PTCH2: variants seen among roughly 807,000 people sequenced by gnomAD.
PTCH2 encodes the protein protein patched homolog 2.
Under a neutral mutation model 117.9 loss-of-function variants are expected in PTCH2, and 96 were observed. That is an observed-to-expected ratio of 0.81 (90% CI 0.69 to 0.96). The LOEUF (loss-of-function observed/expected upper bound fraction) is 0.96, where lower values mean the gene tolerates loss of function less well. PTCH2 is among the 50% of genes least tolerant of loss of function. The probability of loss-of-function intolerance (pLI) is 0.00; values close to 1 mark genes in which losing one functional copy is unlikely to be tolerated. For missense variants in PTCH2, 1,379 were observed against 1,562.5 expected, an observed-to-expected ratio of 0.88 and a Z score of 1.98; for synonymous variants, 615 against 660.9, an observed-to-expected ratio of 0.93 and a Z score of 1.06.
At chr1:44,841,716 A>T in intron 2 of PTCH2, 131 bp downstream of exon 2, 1 of 917,904 alleles carries the variant, frequency 1.1e-6, no homozygotes, top group Non-Finnish European at 1.8e-6. Flanking sequence ...GCCCAGGTGT[A>T]GGACTCTGGC....
rs780428555 is a variant in PTCH2, at chr1:44,827,193, C to A, written c.2488G>T (p.Ala830Ser). 3 of 1,614,042 alleles carry A rather than the reference C, an allele frequency of 1.9e-6. No homozygotes were observed. The highest frequency in any genetic ancestry group is 1.7e-6 in the Non-Finnish European group (2 of 1,179,998). Residue 830 changes from alanine (A) to serine (S), a missense_variant, in exon 16 of 22, where the codon GCC becomes TCC. Transcript: ENST00000372192. ...TGGCTGAAATCCAGAGGCTCCTGGGCGTCTCCAGTCTGGATGAGCAGCTTG... is the reference window on the plus strand; with the variant it reads ...TGGCTGAAATCCAGAGGCTCCTGGGAGTCTCCAGTCTGGATGAGCAGCTTG... ...AYKLLIQTGD[A>S]QEPLDFSQLT... is the part of the protein sequence containing the mutation.
Position 44,828,175 on chromosome 1 carries a change from C to A in PTCH2, c.1726G>T (p.Val576Leu), listed in dbSNP as rs867905557. The A allele has an allele frequency of 7.4e-6, 12 of 1,613,594 alleles. No individual in the cohort carries two copies. The African/African-American group carries it at 1.3e-4, about 18-fold the overall frequency. The change falls in exon 14 of 22, where the codon GTG (valine) becomes TTG (leucine). Residue 576 changes from valine (V) to leucine (L), a missense_variant. Physicochemically the swap from Val to Leu is conservative, Grantham distance 32. Transcript: ENST00000372192. ...AGCTCCTGGGGCAGGATCTGAATCA[C>A]CTGAGCAGAGCAGGGACTGGAAGAG... ...CCFSSPCSAQ[V>L]IQILPQELGD...
In PTCH2 at chr1:44,837,187, T is replaced by C. The variant is rs80281514; in HGVS notation, c.265+4660A>G. On this transcript the variant is annotated intron_variant, in intron 2 of 21. Transcript: ENST00000372192. ...ATAAATCAATCTTCTTTCTTCCTTCTTCCCTTCTTCCTTTCCTTTTCTTCT... is the reference window on the plus strand; with the variant it reads ...ATAAATCAATCTTCTTTCTTCCTTCCTCCCTTCTTCCTTTCCTTTTCTTCT... Among the ~76,000 whole-genome samples, 372 of 152,296 alleles carry C rather than the reference T, an allele frequency of 2.4e-3. 5 individuals carry two copies. The highest frequency in any genetic ancestry group is 8.7e-3 in the African/African-American group (363 of 41,580).
intron 6 of PTCH2, among the ~76,000 whole-genome samples, chr1:44,830,595 A>AAAAAAAAAAAAAAAAAAAAAAAAAAC: frequency 6.7e-6 from 1 of 150,208 alleles, no homozygotes; most frequent in Non-Finnish European, 1.5e-5. Flanking sequence ...CTCAAAAAAA[A>AAAAAAAAAAAAAAAAAAAAAAAAAAC]AAAAAAAAAG....
At chr1:44,821,023 CT>C (rs773995759), downstream of PTCH2, among the ~76,000 whole-genome samples, 197 of 152,184 alleles carry the variant, frequency 1.3e-3, no homozygotes, top group Middle Eastern at 3.4e-3. Context: ...GTTGTTGTAT[CT>C]TTTGGTCAGA....
At position 44,829,661 on chromosome 1, in the gene PTCH2, CCTCA is replaced by C. The variant is rs1557646078; in HGVS notation, c.1032_1035del (p.Ser344ArgfsTer67). The C allele has an allele frequency of 1.9e-6, 3 of 1,614,202 alleles. No individual in the cohort carries two copies. Among genetic ancestry groups the C allele is most frequent in the Non-Finnish European group, 2.5e-6 (3 of 1,180,036 alleles). Reference sequence around the variant, plus strand: ...GCTTGTAGCACTGTGCTGGCCTGCTCCTCACTCCAGCCAATGTCATGTGTCTGAT... The same window carrying C: ...GCTTGTAGCACTGTGCTGGCCTGCTCCTCCAGCCAATGTCATGTGTCTGAT... On this transcript the variant is annotated frameshift_variant, in exon 8 of 22. Transcript: ENST00000372192. LOFTEE classifies it high-confidence loss of function.
rs369600860 is a variant in PTCH2 at position 44,823,154 on chromosome 1, G to A, written c.3272C>T (p.Ala1091Val). Residue 1091 changes from alanine to valine, a missense_variant, in exon 21 of 22, where the codon GCG becomes GTG. By Grantham distance (64) the Ala-to-Val change is moderately conservative. Coordinates refer to ENST00000372192, the MANE Select transcript of PTCH2 (RefSeq NM_003738.5). The surrounding 1 kb of genome is among the most constrained non-coding windows in gnomAD (Gnocchi z 5.1). ...FDFIVRYFFA[A>V]LTVLTLLGLL... Reference sequence around the variant, plus strand: ...GCCCAGGAGCGTGAGCACTGTCAGCGCCGCAAAGAAGTACCTAGGGGTAGG... The same window carrying A: ...GCCCAGGAGCGTGAGCACTGTCAGCACCGCAAAGAAGTACCTAGGGGTAGG... The A allele has an allele frequency of 3.7e-6, 6 of 1,614,064 alleles. No homozygotes were observed. In the African/African-American group the frequency reaches 4.0e-5, roughly 11 times the overall value.
At position 44,821,974 on chromosome 1, in the gene PTCH2, T is replaced by C; in HGVS notation, c.*441A>G. Reference sequence around the variant, plus strand: ...AGAATATATTTCATTCTTTAAAAAATAAAACTTTCATCATAGCTAACATGT... The same window carrying C: ...AGAATATATTTCATTCTTTAAAAAACAAAACTTTCATCATAGCTAACATGT... On this transcript the variant is annotated 3_prime_UTR_variant, in exon 22 of 22. Coordinates refer to ENST00000372192, the MANE Select transcript of PTCH2 (RefSeq NM_003738.5). The C allele has an allele frequency of 1.5e-6, 2 of 1,311,118 alleles. No homozygotes were observed. Among genetic ancestry groups the C allele is most frequent in the South Asian group, 1.3e-5 (1 of 79,674 alleles). The allele number at this position is 1,311,118 out of a possible 1,614,324, so 81.2% of individuals were successfully genotyped here.
In PTCH2 at chr1:44,831,653, G is replaced by T; in HGVS notation, c.617+53C>A. 2 of 1,480,312 alleles carry T rather than the reference G, an allele frequency of 1.4e-6. No individual in the cohort carries two copies. Among genetic ancestry groups the T allele is most frequent in the Non-Finnish European group, 1.8e-6 (2 of 1,082,350 alleles). 91.7% of individuals were successfully genotyped at this position (1,480,312 alleles called of 1,614,324 possible). On this transcript the variant is annotated intron_variant, in intron 5 of 21. Transcript: ENST00000372192. This position sits in a 1 kb window ranked among gnomAD's most constrained non-coding sequence, Gnocchi z 4.3. ...CTCATTCCCCAGACCCCTCCTTTCTGCTGGGAGAGTCCCCAGCGGGAGATG... is the reference window on the plus strand; with the variant it reads ...CTCATTCCCCAGACCCCTCCTTTCTTCTGGGAGAGTCCCCAGCGGGAGATG...
chr1:44,832,495 C>T (rs1323955755), intron 2 of PTCH2, among the ~76,000 whole-genome samples, 154 bp from the exon 3 acceptor site: 2 of 152,230 alleles, frequency 1.3e-5, no homozygotes, highest in Admixed American at 6.5e-5. Flanking sequence ...GGTCATGGCC[C>T]AGGCCGACTC....
Position 44,827,319 on chromosome 1 carries a change from A to G in PTCH2, c.2372-10T>C, listed in dbSNP as rs1653199305. ...AAGGCAGCCTGGATTCCTGGGGGAGACCAGGATAGGGTTCTATTAGCTGGT... is the reference window on the plus strand; with the variant it reads ...AAGGCAGCCTGGATTCCTGGGGGAGGCCAGGATAGGGTTCTATTAGCTGGT... On this transcript the variant is annotated splice_polypyrimidine_tract_variant and intron_variant, in intron 15 of 21. Coordinates refer to ENST00000372192, the MANE Select transcript of PTCH2 (RefSeq NM_003738.5). 6.2e-7 allele frequency: 1 copy of G among 1,613,550 alleles called. No individual in the cohort carries two copies. The highest frequency in any genetic ancestry group is 1.3e-5 in the African/African-American group (1 of 74,892).
Position 44,841,883 on chromosome 1 carries a change from T to C in PTCH2, c.229A>G (p.Ile77Val), listed in dbSNP as rs774219740. 34 of 1,614,200 alleles carry C rather than the reference T, an allele frequency of 2.1e-5. No individual in the cohort carries two copies. Among genetic ancestry groups the C allele is most frequent in the Non-Finnish European group, 2.6e-5 (31 of 1,180,032 alleles). ...AGCTGTTCCAAGTTTGTCTCAATAA[T>C]GGCCATGCGGAGACCTAATGCCAGG... is the stretch of plus-strand genomic sequence containing the variant. The part of the protein sequence containing the change: ...GALALGLRMA[I>V]IETNLEQLWV... The change falls in exon 2 of 22, where the codon ATT becomes GTT. Residue 77 changes from isoleucine (I) to valine (V), a missense_variant. Coordinates refer to ENST00000372192, the MANE Select transcript of PTCH2 (RefSeq NM_003738.5).
In PTCH2 at chr1:44,829,047, C is replaced by T. The variant is rs774556844; in HGVS notation, c.1399G>A (p.Gly467Ser). 7 of 1,603,750 alleles carry T rather than the reference C, an allele frequency of 4.4e-6. No individual in the cohort carries two copies. Among genetic ancestry groups the T allele is most frequent in the South Asian group, 1.1e-5 (1 of 89,628 alleles). ...GCCAGCAGGAATACGTCATCCACGC[C>T]GATTCCCAGAGCCAAGAAGGGCAGC... ...QVLPFLALGI[G>S]VDDVFLLAHA... is the part of the protein sequence containing the mutation. The change falls in exon 11 of 22, where the codon GGC becomes AGC. Residue 467 changes from glycine (G) to serine (S), a missense_variant. Gly to Ser is a moderately conservative substitution (Grantham distance 56). Transcript: ENST00000372192.
Position 44,842,854 on chromosome 1 carries a change from T to C in PTCH2, c.72+7A>G. On this transcript the variant is annotated splice_region_variant and intron_variant, in intron 1 of 21. Coordinates refer to ENST00000372192, the MANE Select transcript of PTCH2 (RefSeq NM_003738.5). ...CTCTTCCTTCTTCCAGCTCCCCCTC[T>C]ACTCACCTGGGGTGCTGCGGTTCGA... 1 of 1,548,972 alleles carries C rather than the reference T, an allele frequency of 6.5e-7. No individual in the cohort carries two copies. The highest frequency in any genetic ancestry group is 8.7e-7 in the Non-Finnish European group (1 of 1,144,706).
chr1:44,842,066 AG>A (rs1653970507), intron 1 of PTCH2, 27 bp from the exon 2 acceptor site: 2 of 1,574,082 alleles, frequency 1.3e-6, no homozygotes, highest in Non-Finnish European at 1.7e-6. Flanking sequence ...AGGGTCAGCC[AG>A]GCATCACTGC....
At chr1:44,840,089 A>T (rs1426525200) in intron 2 of PTCH2, among the ~76,000 whole-genome samples, 2 of 145,704 alleles carry the variant, frequency 1.4e-5, no homozygotes, top group Non-Finnish European at 3.0e-5. Flanking sequence ...GAAAGAAGAG[A>T]GTCATGCTGA....
chr1:44,833,271 C>T (rs1048859845), intron 2 of PTCH2, among the ~76,000 whole-genome samples: 3 of 152,106 alleles, frequency 2.0e-5, no homozygotes, highest in East Asian at 1.9e-4. Context: ...AGGGCCAAAT[C>T]TACCTCTGGA....
intron 2 of PTCH2, among the ~76,000 whole-genome samples, chr1:44,832,720 G>T (rs1416557432): frequency 6.6e-6 from 1 of 152,202 alleles, no homozygotes; most frequent in East Asian, 1.9e-4. Flanking sequence ...GTCCCTCTCT[G>T]TTCTGGTGGG....
At position 44,827,949 on chromosome 1, in the gene PTCH2, T is replaced by A. The variant is rs1653237981; in HGVS notation, c.1952A>T (p.Glu651Val). Reference protein sequence around the residue: ...STRDLLGQEEETRQKAACKSL... With the variant: ...STRDLLGQEEVTRQKAACKSL... Reference sequence around the variant, plus strand: ...CTTGCAGGCTGCCTTCTGCCTTGTCTCCTCCTCCTGGCCTAGAAGGTCCCG... The same window carrying A: ...CTTGCAGGCTGCCTTCTGCCTTGTCACCTCCTCCTGGCCTAGAAGGTCCCG... The change falls in exon 14 of 22, where the codon GAG becomes GTG. Residue 651 changes from glutamate to valine, a missense_variant. Physicochemically the swap from Glu to Val is moderately radical, Grantham distance 121. Transcript: ENST00000372192. The A allele has an allele frequency of 1.9e-6, 3 of 1,614,126 alleles. No homozygotes were observed. The highest frequency in any genetic ancestry group is 2.5e-6 in the Non-Finnish European group (3 of 1,180,032).
Sources: allele counts gnomAD v4.1 joint callset (sites outside exome capture counted in the v4.1 genomes callset), GRCh38; gene constraint gnomAD v4.1.1; non-coding constraint Gnocchi (gnomAD v3.1); transcripts MANE v1.5; gene names NCBI Gene and HGNC (gene_info 2026-07-23, HGNC 2026-07-21).